The following SLC26A5 variants were observed in gnomAD, a reference collection of about 807,000 sequenced individuals.
SLC26A5 encodes solute carrier family 26 member 5.
In SLC26A5, 51 loss-of-function variants were observed where a neutral mutation model predicts 81.0. The observed-to-expected ratio is 0.63, with a 90% CI of 0.50 to 0.80. The LOEUF (loss-of-function observed/expected upper bound fraction) is 0.80, where lower values mean the gene tolerates loss of function less well. Among genes scored for constraint, SLC26A5 ranks in the 30% least tolerant of loss-of-function variants. The pLI is 0.00. For missense variants in SLC26A5, 771 were observed against 905.8 expected, an observed-to-expected ratio of 0.85 and a Z score of 1.91; for synonymous variants, 325 against 332.8, an observed-to-expected ratio of 0.98 and a Z score of 0.25.
Position 103,378,445 on chromosome 7 carries a change from C to A in SLC26A5, c.1785+1G>T. On this transcript the variant is annotated splice_donor_variant, in intron 17 of 19. Transcript: ENST00000306312. LOFTEE classifies it high-confidence loss of function. ...ATTATTTCAATGAAAAGACCACTCA[C>A]TGCTTTGACAACAGTTGCGTTGGCC... The A allele has an allele frequency of 6.2e-7, 1 of 1,613,754 alleles. No homozygotes were observed. The highest frequency in any genetic ancestry group is 8.5e-7 in the Non-Finnish European group (1 of 1,179,614).
At chr7:103,370,387 AC>A (rs1259382856), downstream of SLC26A5, among the ~76,000 whole-genome samples, 3 of 105,286 alleles carry the variant, frequency 2.8e-5, no homozygotes, top group Non-Finnish European at 6.0e-5. Context: ...GCACACCCCC[AC>A]CCCCCCAACA....
chr7:103,375,938 G>A (rs1343548231), intron 19 of SLC26A5, among the ~76,000 whole-genome samples: 1 of 150,654 alleles, frequency 6.6e-6, no homozygotes, highest in Non-Finnish European at 1.5e-5. Flanking sequence ...TGTATTTTTA[G>A]TAGAGATGGG....
intron 4 of SLC26A5, among the ~76,000 whole-genome samples, chr7:103,414,606 C>T (rs1329997282): frequency 2.0e-5 from 3 of 152,074 alleles, no homozygotes; most frequent in Non-Finnish European, 4.4e-5. Flanking sequence ...ATAGCTCATT[C>T]CTTTTTAATA....
chr7:103,416,162 G>T (rs1311241882), intron 4 of SLC26A5, among the ~76,000 whole-genome samples: 2 of 152,068 alleles, frequency 1.3e-5, no homozygotes, highest in Non-Finnish European at 2.9e-5. Context: ...GGATACTATA[G>T]TTTTAAAGTT....
Position 103,437,905 on chromosome 7 carries a change from A to C in SLC26A5, c.-54+5178T>G, listed in dbSNP as rs950591803. ...TTTTGTTGGGTCTGCACATTGCTTC[A>C]TGAAAATTTGCATTGGTTTCCAACA... On this transcript the variant is annotated intron_variant, in intron 2 of 19. Coordinates refer to ENST00000306312, the MANE Select transcript of SLC26A5 (RefSeq NM_198999.3). Among the ~76,000 whole-genome samples the C allele has an allele frequency of 4.9e-4, 74 of 152,252 alleles. 1 individual carries two copies. Among genetic ancestry groups the C allele is most frequent in the Non-Finnish European group, 8.8e-4 (60 of 68,038 alleles).
rs765458806 is a variant in SLC26A5, at chr7:103,407,964, C to T, written c.775G>A (p.Val259Met). 168 of 1,614,050 alleles carry T rather than the reference C, an allele frequency of 1.0e-4. No homozygotes were observed. Among genetic ancestry groups the T allele is most frequent in the Non-Finnish European group, 1.3e-4 (149 of 1,180,028 alleles). The change falls in exon 8 of 20, where the codon GTG becomes ATG. Residue 259 changes from valine (V) to methionine (M), a missense_variant. By Grantham distance (21) the Val-to-Met change is conservative (BLOSUM62 1). Coordinates refer to ENST00000306312, the MANE Select transcript of SLC26A5 (RefSeq NM_198999.3). Reference sequence around the variant, plus strand: ...ATCAGCCCGACGCCTAGGGAACACACGTTGAGGTTTTTAACATTCTGCAAC... The same window carrying T: ...ATCAGCCCGACGCCTAGGGAACACATGTTGAGGTTTTTAACATTCTGCAAC... ...AVLQNVKNLNVCSLGVGLMVF... is the reference protein window; with the variant it reads ...AVLQNVKNLNMCSLGVGLMVF...
intron 2 of SLC26A5, among the ~76,000 whole-genome samples, chr7:103,426,411 TC>T (rs1335317073): frequency 6.6e-6 from 1 of 152,242 alleles, no homozygotes; most frequent in Non-Finnish European, 1.5e-5. Flanking sequence ...CAAGAAATAA[TC>T]TTTTAGTATG....
chr7:103,361,832 G>A, intron 19 of SLC26A5: 1 of 887,740 alleles, frequency 1.1e-6, no homozygotes, highest in Non-Finnish European at 1.6e-6. Context: ...ATCTTTAACA[G>A]TGTCCCAGTT....
At chr7:103,429,743 G>C (rs1825932394) in intron 2 of SLC26A5, among the ~76,000 whole-genome samples, 1 of 152,218 alleles carries the variant, frequency 6.6e-6, no homozygotes, top group Non-Finnish European at 1.5e-5. Context: ...AGCTCGATGA[G>C]GGCAGGACTG....
chr7:103,417,103 G>A (rs1311998518), intron 4 of SLC26A5, among the ~76,000 whole-genome samples: 1 of 152,068 alleles, frequency 6.6e-6, no homozygotes, highest in African/African-American at 2.4e-5. Flanking sequence ...TGGGCACAGT[G>A]GCTCACCCCT....
intron 2 of SLC26A5, among the ~76,000 whole-genome samples, chr7:103,436,886 T>C (rs1465330518): frequency 1.3e-5 from 2 of 152,144 alleles, no homozygotes; most frequent in African/African-American, 4.8e-5. Flanking sequence ...GTCTAGGCAA[T>C]GATTTTCTGG....
At chr7:103,400,079 T>C (rs1823467810) in intron 8 of SLC26A5, among the ~76,000 whole-genome samples, 1 of 151,832 alleles carries the variant, frequency 6.6e-6, no homozygotes, top group South Asian at 2.1e-4. Flanking sequence ...CCTTTGGGTA[T>C]ATACCCAGTA....
chr7:103,391,577 T>C (rs957921740), intron 11 of SLC26A5, 45 bp downstream of exon 11: 2 of 1,471,784 alleles, frequency 1.4e-6, no homozygotes, highest in African/African-American at 2.8e-5. Flanking sequence ...TAAAATTTAA[T>C]TACCACCCAT....
intron 4 of SLC26A5, among the ~76,000 whole-genome samples, chr7:103,414,739 A>G (rs77352051): frequency 0.1 from 15,657 of 152,230 alleles, 922 homozygotes; most frequent in East Asian, 0.2. Context: ...GTGCAGGTTC[A>G]CTTGAAAGTT....
At chr7:103,442,168 T>G (rs1826928808) in intron 2 of SLC26A5, among the ~76,000 whole-genome samples, 1 of 151,858 alleles carries the variant, frequency 6.6e-6, no homozygotes, top group South Asian at 2.1e-4. Flanking sequence ...TGAGACTGAG[T>G]CTCGCTCTTG....
At chr7:103,376,955 C>T (rs1027336211) in intron 18 of SLC26A5, 93 bp from the exon 19 acceptor site, 6 of 829,294 alleles carry the variant, frequency 7.2e-6, no homozygotes, top group Admixed American at 1.9e-5. Context: ...AGAAGACACT[C>T]TAATTCATTC....
chr7:103,374,078 C>T, downstream of SLC26A5: 1 of 672,110 alleles, frequency 1.5e-6, no homozygotes, highest in Non-Finnish European at 1.9e-6. Context: ...AAACAAAGAA[C>T]CACTATGTAA....
At chr7:103,432,582 T>C (rs1826159528) in intron 2 of SLC26A5, among the ~76,000 whole-genome samples, 1 of 152,224 alleles carries the variant, frequency 6.6e-6, no homozygotes, top group African/African-American at 2.4e-5. Flanking sequence ...TTCATAGTGT[T>C]GCATTTTCCC....
chr7:103,384,154 T>A (rs570381058), intron 14 of SLC26A5, among the ~76,000 whole-genome samples: 65 of 150,458 alleles, frequency 4.3e-4, no homozygotes, highest in Non-Finnish European at 3.4e-4. Flanking sequence ...ATAAAAAAAA[T>A]TTTTTTTTTG....
Sources: allele counts gnomAD v4.1 joint callset (sites outside exome capture counted in the v4.1 genomes callset), GRCh38; gene constraint gnomAD v4.1.1; transcripts MANE v1.5; gene names NCBI Gene and HGNC (gene_info 2026-07-23, HGNC 2026-07-21).